The following CEP43 variants were observed in gnomAD, a reference collection of about 807,000 sequenced individuals.
The protein encoded by CEP43 is centrosomal protein 43.
In CEP43, 36 loss-of-function variants were observed where a neutral mutation model predicts 52.6. That is an observed-to-expected ratio of 0.68 (90% CI 0.52 to 0.90). The LOEUF (loss-of-function observed/expected upper bound fraction) is 0.90. CEP43 is among the 40% of genes least tolerant of loss of function. CEP43 has a pLI of 0.00. For synonymous variants in CEP43, 192 were observed against 172.4 expected (o/e 1.11, Z -0.89); for missense variants, 506 against 472.8 (o/e 1.07, Z -0.65).
At chr6:167,018,325 G>A (rs1027086740) in intron 7 of CEP43, among the ~76,000 whole-genome samples, 1 of 152,180 alleles carries the variant, frequency 6.6e-6, no homozygotes, top group African/African-American at 2.4e-5. Flanking sequence ...GTGGGATACA[G>A]TTTGACCCAT....
intron 1 of CEP43, 130 bp downstream of exon 1, chr6:166,999,644 GC>G (rs34729961): frequency 0.39 from 221,426 of 566,514 alleles, 46,833 homozygotes; most frequent in Non-Finnish European, 0.44. Context: ...CTGGGGGCGC[GC>G]CCCGGCATGG....
At chr6:166,999,560 G>C in intron 1 of CEP43, 46 bp downstream of exon 1, 1 of 1,291,022 alleles carries the variant, frequency 7.7e-7, no homozygotes, top group Non-Finnish European at 1.0e-6. Context: ...CGCAGGGCTT[G>C]CGTGGACAGC....
In CEP43 at chr6:167,004,502, A is replaced by G. The variant is rs1260877408; in HGVS notation, c.438+101A>G. 8 of 998,860 alleles carry G rather than the reference A, an allele frequency of 8.0e-6. No individual in the cohort carries two copies. In the East Asian group the frequency reaches 2.0e-4, roughly 26 times the overall value. The allele number at this position is 998,860 out of a possible 1,614,324, so 61.9% of individuals were successfully genotyped here. On this transcript the variant is annotated intron_variant, in intron 5 of 12. Coordinates refer to ENST00000366847, the MANE Select transcript of CEP43 (RefSeq NM_007045.4). Reference sequence around the variant, plus strand: ...TATAGTAAATTAAGGTTTTCATACTAGAAGATATTCCTTAAAAACAAAATG... The same window carrying G: ...TATAGTAAATTAAGGTTTTCATACTGGAAGATATTCCTTAAAAACAAAATG...
intron 5 of CEP43, among the ~76,000 whole-genome samples, chr6:167,007,580 C>T (rs571338610): frequency 6.6e-6 from 1 of 151,924 alleles, no homozygotes; most frequent in African/African-American, 2.4e-5. Flanking sequence ...TTTGGCCCTT[C>T]ATTATTTATT....
At chr6:167,001,209 T>G (rs1224437569) in intron 2 of CEP43, among the ~76,000 whole-genome samples, 1 of 152,242 alleles carries the variant, frequency 6.6e-6, no homozygotes, top group East Asian at 1.9e-4. Flanking sequence ...CTGTACCTCT[T>G]TCCTTACTGC....
intron 2 of CEP43, 51 bp downstream of exon 2, chr6:167,000,164 C>T (rs994172565): frequency 1.0e-5 from 14 of 1,354,296 alleles, no homozygotes; most frequent in African/African-American, 2.9e-5. Context: ...TACTTAATTT[C>T]TTATTCATTA....
chr6:166,999,702 G>GCC, intron 1 of CEP43, 188 bp downstream of exon 1: 1 of 478,956 alleles, frequency 2.1e-6, no homozygotes, highest in Non-Finnish European at 3.6e-6. Context: ...GTTCGTTCGT[G>GCC]TGGTCCCGGA....
At chr6:167,010,645 T>C (rs2128659799) in intron 5 of CEP43, among the ~76,000 whole-genome samples, 168 bp from the exon 6 acceptor site, 1 of 152,276 alleles carries the variant, frequency 6.6e-6, no homozygotes, top group East Asian at 1.9e-4. Flanking sequence ...TAGAAGGTTT[T>C]TGAGGGGGTA....
chr6:167,000,002 G>C, intron 1 of CEP43, 58 bp from the exon 2 acceptor site: 1 of 1,445,130 alleles, frequency 6.9e-7, no homozygotes, highest in Non-Finnish European at 9.7e-7. Context: ...ATAAATGTGA[G>C]CTTGTTGTGA....
chr6:167,022,207 G>A (rs1456151751), intron 7 of CEP43, among the ~76,000 whole-genome samples: 3 of 151,404 alleles, frequency 2.0e-5, no homozygotes, highest in Non-Finnish European at 4.4e-5. Context: ...CCTGGGGATG[G>A]AGTGATGAAT....
chr6:167,029,140 A>G (rs1334514647), intron 10 of CEP43, among the ~76,000 whole-genome samples: 1 of 152,242 alleles, frequency 6.6e-6, no homozygotes, highest in African/African-American at 2.4e-5. Context: ...AGGCTGAACA[A>G]AAGCAGGTCA....
At chr6:167,026,329 C>T (rs1470371650) in intron 9 of CEP43, among the ~76,000 whole-genome samples, 1 of 152,152 alleles carries the variant, frequency 6.6e-6, no homozygotes, top group Non-Finnish European at 1.5e-5. Flanking sequence ...CGCCATTGCA[C>T]TCCAGCCTGA....
At chr6:167,020,397 A>G (rs1166557022) in intron 7 of CEP43, among the ~76,000 whole-genome samples, 1 of 152,212 alleles carries the variant, frequency 6.6e-6, no homozygotes, top group Admixed American at 6.5e-5. Context: ...TGCATAATGC[A>G]TTCTGTCTGT....
intron 7 of CEP43, among the ~76,000 whole-genome samples, chr6:167,019,016 C>T (rs1222603102): frequency 1.3e-5 from 2 of 152,082 alleles, no homozygotes; most frequent in Non-Finnish European, 2.9e-5. Context: ...ATCGGTGGTA[C>T]GATTCTCTCT....
Position 167,051,399 on chromosome 6 carries a change from C to G in CEP43, c.*11421C>G, listed in dbSNP as rs1333171909. 1 of 152,158 alleles carries G rather than the reference C, an allele frequency of 6.6e-6. No homozygotes were observed. The highest frequency in any genetic ancestry group is 2.4e-5 in the African/African-American group (1 of 41,404). 9.4% of individuals were successfully genotyped at this position (152,158 alleles called of 1,614,324 possible). ...AAACTATAAACTATAATCGTTTGTC[C>G]CAAAGTTAGCTTGGCCCATGCCCAG... On this transcript the variant is annotated 3_prime_UTR_variant, in exon 13 of 13. Coordinates refer to ENST00000366847, the MANE Select transcript of CEP43 (RefSeq NM_007045.4).
At chr6:167,032,170 T>A (rs1780483918) in intron 10 of CEP43, among the ~76,000 whole-genome samples, 1 of 152,246 alleles carries the variant, frequency 6.6e-6, no homozygotes, top group African/African-American at 2.4e-5. Context: ...GGTGCCCTTA[T>A]TTGCTGTGCT....
rs1333140853 is a variant in CEP43, at chr6:167,043,119, C to G, written c.*3141C>G. Reference sequence around the variant, plus strand: ...AGGCCGTCCTGTGAATTTGCCCCACCCACCAAGCTCAGCTGGAGCAGGGCC... The same window carrying G: ...AGGCCGTCCTGTGAATTTGCCCCACGCACCAAGCTCAGCTGGAGCAGGGCC... On this transcript the variant is annotated 3_prime_UTR_variant, in exon 13 of 13. Transcript: ENST00000366847. 3 of 152,860 alleles carry G rather than the reference C, an allele frequency of 2.0e-5. No homozygotes were observed. The highest frequency in any genetic ancestry group is 4.4e-5 in the Non-Finnish European group (3 of 68,690). 9.5% of individuals were successfully genotyped at this position (152,860 alleles called of 1,614,324 possible).
chr6:167,043,775 C>T lies in CEP43; in HGVS notation c.*3797C>T, dbSNP rs1780749749. The T allele has an allele frequency of 6.6e-6, 1 of 152,084 alleles. No homozygotes were observed. Among genetic ancestry groups the T allele is most frequent in the South Asian group, 2.1e-4 (1 of 4,816 alleles). 9.4% of individuals were successfully genotyped at this position (152,084 alleles called of 1,614,324 possible). The stretch of plus-strand genomic sequence containing the variant: ...TCCTAATGCTGCGTTCAGAGTTCCA[C>T]ACGTTCAACAAGCATCTGACATTTA... On this transcript the variant is annotated 3_prime_UTR_variant, in exon 13 of 13. Transcript: ENST00000366847.
chr6:167,019,258 C>G (rs760524016), intron 7 of CEP43, among the ~76,000 whole-genome samples: 3 of 146,662 alleles, frequency 2.0e-5, no homozygotes, highest in Non-Finnish European at 3.0e-5. Flanking sequence ...TGTGCACACG[C>G]ATACACCTGC....
Sources: gnomAD v4.1 joint callset for allele counts (sites outside exome capture counted in the v4.1 genomes callset) on GRCh38, gnomAD v4.1.1 for gene constraint, MANE v1.5 for transcripts, NCBI Gene and HGNC (gene_info 2026-07-23, HGNC 2026-07-21) for gene names.